The following SESN2 variants were observed in gnomAD, a reference collection of about 807,000 sequenced individuals.
SESN2 encodes the protein sestrin 2.
In SESN2, 42 loss-of-function variants were observed where a neutral mutation model predicts 56.0. The observed-to-expected ratio is 0.75, with a 90% CI of 0.59 to 0.97. The LOEUF (loss-of-function observed/expected upper bound fraction) is 0.97, where lower values mean the gene tolerates loss of function less well. Ranked by LOEUF, SESN2 falls within the 50% of genes least tolerant of loss-of-function variation. The pLI, the probability that SESN2 is intolerant of heterozygous loss-of-function variation, is 0.00. For synonymous variants in SESN2, 264 were observed against 267.1 expected (o/e 0.99, Z 0.11); for missense variants, 507 against 649.4 (o/e 0.78, Z 2.38).
At chr1:28,269,278 G>A in intron 2 of SESN2, 30 bp downstream of exon 2, 1 of 1,535,096 alleles carries the variant, frequency 6.5e-7, no homozygotes, top group Non-Finnish European at 9.0e-7. Context: ...GGGATCTTTG[G>A]TCCCTGGGAA....
chr1:28,272,986 G>A (rs1647845233), intron 5 of SESN2, among the ~76,000 whole-genome samples, 193 bp downstream of exon 5: 1 of 152,116 alleles, frequency 6.6e-6, no homozygotes, highest in African/African-American at 2.4e-5. Context: ...ACTCACACTG[G>A]GCTGTGAGGG....
intron 1 of SESN2, among the ~76,000 whole-genome samples, chr1:28,260,538 G>T (rs950423581): frequency 7.3e-5 from 11 of 151,612 alleles, no homozygotes; most frequent in Non-Finnish European, 1.3e-4. Flanking sequence ...CGGGCCGCCC[G>T]GTACGCGGCG....
chr1:28,274,388 A>G (rs1047655722), intron 7 of SESN2, among the ~76,000 whole-genome samples: 4 of 152,160 alleles, frequency 2.6e-5, no homozygotes, highest in Non-Finnish European at 5.9e-5. Flanking sequence ...TAAAAAATTA[A>G]CTGGAAGGTG....
chr1:28,264,850 T>C (rs1322855839), intron 1 of SESN2, among the ~76,000 whole-genome samples: 1 of 152,132 alleles, frequency 6.6e-6, no homozygotes, highest in Admixed American at 6.5e-5. Flanking sequence ...AAGAACTAGA[T>C]TCAGTGTGTG....
chr1:28,259,985 C>A, intron 1 of SESN2, 48 bp downstream of exon 1: 1 of 1,378,534 alleles, frequency 7.3e-7, no homozygotes. Flanking sequence ...CCCCGAACCG[C>A]GTCTGAGCCT....
At chr1:28,261,266 G>T (rs779743999) in intron 1 of SESN2, among the ~76,000 whole-genome samples, 4 of 152,190 alleles carry the variant, frequency 2.6e-5, no homozygotes, top group African/African-American at 4.8e-5. Flanking sequence ...GGAGCGCCAT[G>T]TGGAGGAATG....
At chr1:28,274,207 A>G (rs1218863076) in intron 7 of SESN2, 49 bp downstream of exon 7, 1 of 1,201,794 alleles carries the variant, frequency 8.3e-7, no homozygotes, top group Non-Finnish European at 1.2e-6. Context: ...TTTACGAACA[A>G]GCAGTGGGTG....
intron 1 of SESN2, among the ~76,000 whole-genome samples, chr1:28,264,514 C>T (rs1481379906): frequency 6.6e-6 from 1 of 151,964 alleles, no homozygotes; most frequent in African/African-American, 2.4e-5. Context: ...CCCTCTGTCC[C>T]ACACTAGCTG....
intron 1 of SESN2, among the ~76,000 whole-genome samples, chr1:28,262,621 C>CAAAAAAAA (rs71027268): frequency 0.013 from 661 of 52,440 alleles, 45 homozygotes; most frequent in African/African-American, 0.034. Context: ...GAGTCTGTCT[C>CAAAAAAAA]AAAAAAAAAA....
At chr1:28,262,817 A>G (rs1284229191) in intron 1 of SESN2, among the ~76,000 whole-genome samples, 1 of 151,350 alleles carries the variant, frequency 6.6e-6, no homozygotes, top group Non-Finnish European at 1.5e-5. Context: ...ACTCCCAGCT[A>G]CTCCGGAGGC....
intron 2 of SESN2, 137 bp downstream of exon 2, chr1:28,269,385 A>ACAAAACGGCTTTGTGAAGCAGGCACTGT: frequency 1.9e-6 from 1 of 534,000 alleles, no homozygotes; most frequent in South Asian, 2.9e-5. Context: ...CATTTAATTC[A>ACAAAACGGCTTTGTGAAGCAGGCACTGT]CAAAACGGCT....
rs368013882 is a variant in SESN2, at chr1:28,270,305, C to T, written c.156+1057C>T. ...GGCGGAGCTTGCAGTGAGCCGAGAT[C>T]GCGCCACTGCACTCCAGCTTGCGTG... On this transcript the variant is annotated intron_variant, in intron 2 of 9. Transcript: ENST00000253063. Among the ~76,000 whole-genome samples the T allele has an allele frequency of 6.0e-5, 9 of 151,254 alleles. No homozygotes were observed. The East Asian group carries it at 1.6e-3, about 26-fold the overall frequency.
rs191559959 is a variant in SESN2, at chr1:28,261,924, G to A, written c.90+1987G>A. Among the ~76,000 whole-genome samples the A allele has an allele frequency of 3.5e-4, 53 of 152,010 alleles. 1 individual carries two copies. Among genetic ancestry groups the A allele is most frequent in the Non-Finnish European group, 1.5e-5 (1 of 67,960 alleles). Reference sequence around the variant, plus strand: ...GCCTCCCTAGTAGTTGGGATTACAGGCACCCGCCACCATGCCCAGCTAATT... The same window carrying A: ...GCCTCCCTAGTAGTTGGGATTACAGACACCCGCCACCATGCCCAGCTAATT... On this transcript the variant is annotated intron_variant, in intron 1 of 9. Transcript: ENST00000253063.
At chr1:28,272,886 A>G (rs1384704085) in intron 5 of SESN2, 93 bp downstream of exon 5, 7 of 683,928 alleles carry the variant, frequency 1.0e-5, no homozygotes, top group Non-Finnish European at 1.8e-5. Flanking sequence ...TCGTATCTGC[A>G]CTACCTGCTG....
chr1:28,263,187 G>A (rs1227812644), intron 1 of SESN2, among the ~76,000 whole-genome samples: 2 of 152,214 alleles, frequency 1.3e-5, no homozygotes, highest in African/African-American at 2.4e-5. Flanking sequence ...TATTCCAGCC[G>A]TGGAGTCAGA....
In SESN2 at chr1:28,272,486, G is replaced by A. The variant is rs780672921; in HGVS notation, c.537+20G>A. The A allele has an allele frequency of 1.4e-5, 23 of 1,609,706 alleles. No homozygotes were observed. The highest frequency in any genetic ancestry group is 3.3e-5 in the Admixed American group (2 of 59,980). On this transcript the variant is annotated intron_variant, in intron 4 of 9. Coordinates refer to ENST00000253063, the MANE Select transcript of SESN2 (RefSeq NM_031459.5). The stretch of plus-strand genomic sequence containing the variant: ...ATCCAGGTGCAGGGGGCAGAGAGGC[G>A]GGTGTCTGAGGGAGCACAGAGGCCT...
At chr1:28,275,768 T>TA (rs1261360069) in intron 8 of SESN2, among the ~76,000 whole-genome samples, 1 of 134,618 alleles carries the variant, frequency 7.4e-6, no homozygotes, top group Non-Finnish European at 1.6e-5. Flanking sequence ...AAAATTACAA[T>TA]AGAGGCCAGG....
chr1:28,279,009 G>C, intron 8 of SESN2, 88 bp from the exon 9 acceptor site: 2 of 1,330,676 alleles, frequency 1.5e-6, no homozygotes, highest in Non-Finnish European at 2.1e-6. Flanking sequence ...TCAACACTCT[G>C]TTCTTCCCTC....
chr1:28,269,161 A>T (rs534397324), intron 1 of SESN2, 22 bp from the exon 2 acceptor site: 3 of 1,596,704 alleles, frequency 1.9e-6, no homozygotes, highest in East Asian at 4.5e-5. Flanking sequence ...ACTACGGACT[A>T]ACCTCATATG....
Sources: allele counts gnomAD v4.1 joint callset (sites outside exome capture counted in the v4.1 genomes callset), GRCh38; gene constraint gnomAD v4.1.1; transcripts MANE v1.5; gene names NCBI Gene and HGNC (gene_info 2026-07-23, HGNC 2026-07-21).